Variants in WDR70 observed in about 807,000 individuals in gnomAD.
WDR70 encodes the protein WD repeat domain 70, also known as WD repeat-containing protein 70.
In WDR70, 53 loss-of-function variants were observed where a neutral mutation model predicts 88.6. That is an observed-to-expected ratio of 0.60 (90% CI 0.48 to 0.75). WDR70 has a LOEUF of 0.75. Ranked by LOEUF, WDR70 falls within the 30% of genes least tolerant of loss-of-function variation. The pLI is 0.00. For synonymous variants in WDR70, 280 were observed against 270.0 expected (o/e 1.04, Z -0.36); for missense variants, 610 against 823.2 (o/e 0.74, Z 3.17).
intron 10 of WDR70, among the ~76,000 whole-genome samples, chr5:37,675,753 T>A (rs1463794271): frequency 1.3e-5 from 2 of 152,138 alleles, no homozygotes; most frequent in Non-Finnish European, 2.9e-5. Context: ...CAAAGTAGTT[T>A]TTTCCAATTC....
At chr5:37,685,057 G>T (rs1481355567) in intron 10 of WDR70, among the ~76,000 whole-genome samples, 1 of 152,144 alleles carries the variant, frequency 6.6e-6, no homozygotes, top group Non-Finnish European at 1.5e-5. Flanking sequence ...GGCTGCTCAG[G>T]GTTGGGGAGG....
intron 9 of WDR70, among the ~76,000 whole-genome samples, chr5:37,593,279 G>A (rs1743593862): frequency 3.3e-5 from 5 of 152,044 alleles, no homozygotes; most frequent in Admixed American, 2.0e-4. Flanking sequence ...TTTACATTAC[G>A]TATTTCTCCT....
intron 9 of WDR70, among the ~76,000 whole-genome samples, chr5:37,580,934 A>G (rs956391245): frequency 1.3e-5 from 2 of 152,226 alleles, no homozygotes; most frequent in Non-Finnish European, 2.9e-5. Flanking sequence ...TATATGAAAC[A>G]TTCAGGGCCA....
intron 7 of WDR70, among the ~76,000 whole-genome samples, chr5:37,467,179 A>G (rs1739180442): frequency 6.7e-6 from 1 of 149,522 alleles, no homozygotes; most frequent in South Asian, 2.1e-4. Flanking sequence ...GTGAGCCATG[A>G]TCGCACCACT....
chr5:37,684,699 A>G (rs1217064151), intron 10 of WDR70, among the ~76,000 whole-genome samples: 1 of 152,184 alleles, frequency 6.6e-6, no homozygotes, highest in African/African-American at 2.4e-5. Flanking sequence ...ATGCCCCCAG[A>G]CTTCTGATCA....
In WDR70 at chr5:37,672,495, G is replaced by T. The variant is rs538081646; in HGVS notation, c.1093-25160G>T. Among the ~76,000 whole-genome samples, 252 of 152,210 alleles carry T rather than the reference G, an allele frequency of 1.7e-3. 1 individual carries two copies. Among genetic ancestry groups the T allele is most frequent in the African/African-American group, 5.7e-3 (235 of 41,534 alleles). Reference sequence around the variant, plus strand: ...GTGGCTGGAGGCGAGATATGCTGGCGGCAATGTTGCTCTGTTACTCTTTGC... The same window carrying T: ...GTGGCTGGAGGCGAGATATGCTGGCTGCAATGTTGCTCTGTTACTCTTTGC... On this transcript the variant is annotated intron_variant, in intron 10 of 17. Coordinates refer to ENST00000265107, the MANE Select transcript of WDR70 (RefSeq NM_018034.4).
chr5:37,379,429 G>C (rs771665517), intron 1 of WDR70, 37 bp downstream of exon 1: 4 of 1,613,694 alleles, frequency 2.5e-6, no homozygotes, highest in Non-Finnish European at 2.5e-6. Context: ...GGGGTGGGCC[G>C]TGTCGGGGGA....
intron 9 of WDR70, among the ~76,000 whole-genome samples, chr5:37,582,583 A>G (rs1434867959): frequency 1.3e-5 from 2 of 152,228 alleles, no homozygotes; most frequent in Non-Finnish European, 2.9e-5. Flanking sequence ...CTGTGTCACC[A>G]TGGGCAGATT....
intron 7 of WDR70, among the ~76,000 whole-genome samples, chr5:37,448,016 G>A (rs998278591): frequency 2.0e-5 from 3 of 152,148 alleles, no homozygotes; most frequent in East Asian, 1.9e-4. Context: ...TACTGAAGAG[G>A]CAGGATAAAA....
intron 10 of WDR70, among the ~76,000 whole-genome samples, chr5:37,669,423 T>C (rs768896016): frequency 3.9e-5 from 6 of 152,002 alleles, no homozygotes; most frequent in Non-Finnish European, 5.9e-5. Context: ...ACATTTTGTT[T>C]TCTTTAGAGT....
In WDR70 at chr5:37,393,598, T is replaced by G. The variant is rs1047236936; in HGVS notation, c.296+1478T>G. 5.9e-5 allele frequency among the ~76,000 whole-genome samples: 9 copies of G among 152,182 alleles called. 1 individual carries two copies. Among genetic ancestry groups the G allele is most frequent in the African/African-American group, 2.2e-4 (9 of 41,460 alleles). ...GTTTCAAGAAATTAAAAAAAAATTT[T>G]TTTTATTGACCCTTTGGTCATTTGG... On this transcript the variant is annotated intron_variant, in intron 4 of 17. Coordinates refer to ENST00000265107, the MANE Select transcript of WDR70 (RefSeq NM_018034.4).
chr5:37,628,593 G>A (rs1744733574), intron 10 of WDR70, among the ~76,000 whole-genome samples: 1 of 152,162 alleles, frequency 6.6e-6, no homozygotes, highest in Non-Finnish European at 1.5e-5. Flanking sequence ...CTTTATAGCT[G>A]AGGTGAGATT....
At chr5:37,604,602 G>A (rs1388572163) in intron 9 of WDR70, among the ~76,000 whole-genome samples, 1 of 152,176 alleles carries the variant, frequency 6.6e-6, no homozygotes, top group Non-Finnish European at 1.5e-5. Flanking sequence ...ATCTTTGCTT[G>A]GGCTCTAGAG....
chr5:37,522,350 A>G (rs75294529), intron 9 of WDR70, among the ~76,000 whole-genome samples: 25,226 of 151,698 alleles, frequency 0.17, 2,221 homozygotes, highest in South Asian at 0.27. Context: ...ATGCGCCTAT[A>G]GTCCCAGCTA....
At chr5:37,488,502 C>CTTTTTTTTTTTTTTTTTTTTTTTTTT (rs113142236) in intron 8 of WDR70, among the ~76,000 whole-genome samples, 1 of 137,532 alleles carries the variant, frequency 7.3e-6, no homozygotes. Context: ...TTGTTCTTTA[C>CTTTTTTTTTTTTTTTTTTTTTTTTTT]TTTTTTTTTT....
At chr5:37,593,293 G>A (rs2112450488) in intron 9 of WDR70, among the ~76,000 whole-genome samples, 1 of 152,212 alleles carries the variant, frequency 6.6e-6, no homozygotes, top group South Asian at 2.1e-4. Context: ...TTCTCCTAAT[G>A]CTATCCCTCC....
chr5:37,428,238 G>A (rs900857655), intron 5 of WDR70, among the ~76,000 whole-genome samples: 4 of 151,822 alleles, frequency 2.6e-5, no homozygotes, highest in African/African-American at 7.3e-5. Flanking sequence ...TTGCTTTTCT[G>A]CAGATATCAG....
chr5:37,606,388 G>C (rs1388261719), intron 10 of WDR70, among the ~76,000 whole-genome samples: 2 of 152,118 alleles, frequency 1.3e-5, no homozygotes, highest in Non-Finnish European at 2.9e-5. Flanking sequence ...TAACCAAGCA[G>C]TAAATTTTTT....
chr5:37,731,009 T>C (rs963936878), intron 17 of WDR70, among the ~76,000 whole-genome samples: 1 of 152,112 alleles, frequency 6.6e-6, no homozygotes, highest in African/African-American at 2.4e-5. Flanking sequence ...AGCCATCAAG[T>C]GTGCAGTATC....
Sources: allele counts gnomAD v4.1 joint callset (sites outside exome capture counted in the v4.1 genomes callset), GRCh38; gene constraint gnomAD v4.1.1; transcripts MANE v1.5; gene names NCBI Gene and HGNC (gene_info 2026-07-23, HGNC 2026-07-21).